Variants in FHIT observed in about 807,000 individuals in gnomAD.
The protein encoded by FHIT is fragile histidine triad diadenosine triphosphatase.
FHIT carries 19 observed loss-of-function variants against 17.9 expected under a neutral mutation model. That is an observed-to-expected ratio of 1.06 (90% CI 0.74 to 1.56). The LOEUF (loss-of-function observed/expected upper bound fraction) is 1.56. FHIT is among the 40% of genes most tolerant of loss of function. The pLI is 0.00. For synonymous variants in FHIT, 81 were observed against 69.7 expected (o/e 1.16, Z -0.81); for missense variants, 248 against 189.2 (o/e 1.31, Z -1.82).
At chr3:60,745,042 G>T (rs1014957521) in intron 4 of FHIT, among the ~76,000 whole-genome samples, 3 of 152,058 alleles carry the variant, frequency 2.0e-5, no homozygotes, top group African/African-American at 7.2e-5. Flanking sequence ...GAGCCCAGGA[G>T]TTTGAGACCT....
intron 4 of FHIT, among the ~76,000 whole-genome samples, chr3:60,785,378 G>T (rs781805357): frequency 7.2e-5 from 11 of 152,114 alleles, no homozygotes; most frequent in East Asian, 3.9e-4. Flanking sequence ...TCTGCAGACC[G>T]GTGGAAGTCC....
intron 8 of FHIT, among the ~76,000 whole-genome samples, chr3:59,816,023 A>T (rs1014895074): frequency 3.3e-5 from 5 of 152,242 alleles, no homozygotes; most frequent in African/African-American, 9.6e-5. Context: ...TGAAGCAAAA[A>T]AACCCACTTG....
At chr3:60,558,394 T>G (rs1289309434) in intron 4 of FHIT, among the ~76,000 whole-genome samples, 1 of 151,570 alleles carries the variant, frequency 6.6e-6, no homozygotes, top group Non-Finnish European at 1.5e-5. Context: ...ACTTAAATAT[T>G]TCTCTGATGT....
At chr3:60,733,722 C>G (rs1253005427) in intron 4 of FHIT, among the ~76,000 whole-genome samples, 1 of 152,092 alleles carries the variant, frequency 6.6e-6, no homozygotes, top group East Asian at 1.9e-4. Context: ...ATTGGTGAGC[C>G]CTTTATCTTT....
At chr3:59,805,470 G>T (rs888803906) in intron 8 of FHIT, among the ~76,000 whole-genome samples, 1 of 152,088 alleles carries the variant, frequency 6.6e-6, no homozygotes, top group Non-Finnish European at 1.5e-5. Flanking sequence ...ACCCTCATTG[G>T]AGAGGTGCCC....
intron 5 of FHIT, among the ~76,000 whole-genome samples, chr3:60,296,263 G>A (rs1708204279): frequency 6.6e-6 from 1 of 152,046 alleles, no homozygotes; most frequent in South Asian, 2.1e-4. Context: ...AGGGAAGCAA[G>A]AAGAACTTTC....
chr3:59,782,138 A>G (rs890173725), intron 8 of FHIT, among the ~76,000 whole-genome samples: 1 of 152,174 alleles, frequency 6.6e-6, no homozygotes, highest in African/African-American at 2.4e-5. Flanking sequence ...TCTGATTCCT[A>G]AAGAAGTATA....
intron 1 of FHIT, among the ~76,000 whole-genome samples, chr3:61,213,252 AG>A (rs925734940): frequency 6.0e-4 from 91 of 152,372 alleles, no homozygotes; most frequent in African/African-American, 2.1e-3. Context: ...TGCTGTATTC[AG>A]GAAACCCATC....
intron 1 of FHIT, among the ~76,000 whole-genome samples, chr3:61,212,825 A>C (rs2039528661): frequency 6.6e-6 from 1 of 152,272 alleles, no homozygotes; most frequent in Non-Finnish European, 1.5e-5. Context: ...TCTACAAGCC[A>C]GAAGAGAGTG....
intron 5 of FHIT, among the ~76,000 whole-genome samples, chr3:60,455,630 T>C (rs1170085025): frequency 1.3e-5 from 2 of 152,086 alleles, no homozygotes; most frequent in Middle Eastern, 3.2e-3. Flanking sequence ...CATTTAACTA[T>C]TATGGGAACA....
At chr3:60,013,391 G>C (rs1700214208) in intron 6 of FHIT, among the ~76,000 whole-genome samples, 1 of 152,160 alleles carries the variant, frequency 6.6e-6, no homozygotes, top group African/African-American at 2.4e-5. Flanking sequence ...GGAGCTCATG[G>C]TATGTTACTA....
At chr3:60,723,613 T>C (rs782388994) in intron 4 of FHIT, among the ~76,000 whole-genome samples, 4 of 152,214 alleles carry the variant, frequency 2.6e-5, no homozygotes, top group Non-Finnish European at 4.4e-5. Context: ...TGTGACTGCA[T>C]TGGAAGAGGA....
chr3:60,470,709 G>A (rs1318776671), intron 5 of FHIT, among the ~76,000 whole-genome samples: 3 of 151,958 alleles, frequency 2.0e-5, no homozygotes, highest in Non-Finnish European at 4.4e-5. Flanking sequence ...GCCATACTGT[G>A]GCCAAACTGG....
chr3:60,540,989 C>T (rs551999316), intron 4 of FHIT, among the ~76,000 whole-genome samples: 1 of 152,148 alleles, frequency 6.6e-6, no homozygotes, highest in Non-Finnish European at 1.5e-5. Flanking sequence ...ACCTACTGAA[C>T]CAGAAACTCT....
rs574606062 is a variant in FHIT, at chr3:61,021,396, G to A, written c.-111+20651C>T. The stretch of plus-strand genomic sequence containing the variant: ...GGGCGGATCACGAGGTCAGGAGATC[G>A]AGACCATCCCAGCTAAAACGGTGAA... On this transcript the variant is annotated intron_variant, in intron 3 of 9. Coordinates refer to ENST00000492590, the MANE Select transcript of FHIT (RefSeq NM_002012.4). 2.9e-3 allele frequency among the ~76,000 whole-genome samples: 431 copies of A among 148,286 alleles called. 1 individual carries two copies. Among genetic ancestry groups the A allele is most frequent in the Non-Finnish European group, 5.1e-3 (343 of 66,700 alleles).
intron 8 of FHIT, 68 bp downstream of exon 8, chr3:59,922,278 A>G: frequency 1.6e-6 from 2 of 1,269,044 alleles, no homozygotes; most frequent in Non-Finnish European, 2.3e-6. Context: ...TACTTGATTC[A>G]TTAGGTTGAT....
chr3:60,405,954 T>C (rs1436976617), intron 5 of FHIT, among the ~76,000 whole-genome samples: 3 of 152,330 alleles, frequency 2.0e-5, no homozygotes, highest in East Asian at 3.9e-4. Context: ...CCACTTCTTA[T>C]ATGTTAAGTG....
At chr3:60,822,498 G>A (rs782411055) in intron 3 of FHIT, among the ~76,000 whole-genome samples, 2 of 152,140 alleles carry the variant, frequency 1.3e-5, no homozygotes, top group Non-Finnish European at 2.9e-5. Flanking sequence ...GGTGTCCACA[G>A]AATCTGAAGG....
intron 5 of FHIT, among the ~76,000 whole-genome samples, chr3:60,232,476 T>G (rs1314395493): frequency 2.0e-5 from 3 of 152,334 alleles, no homozygotes; most frequent in Admixed American, 6.5e-5. Flanking sequence ...TCTCCTCTTT[T>G]TCTATTGAAG....
Sources: allele counts gnomAD v4.1 joint callset (sites outside exome capture counted in the v4.1 genomes callset), GRCh38; gene constraint gnomAD v4.1.1; transcripts MANE v1.5; gene names NCBI Gene and HGNC (gene_info 2026-07-23, HGNC 2026-07-21).